Variants in KLF12 observed in about 807,000 individuals in gnomAD.
KLF12 encodes Krueppel-like factor 12.
Under a neutral mutation model 37.8 loss-of-function variants are expected in KLF12, and 9 were observed. The ratio of observed to expected loss-of-function variants is 0.24; its 90% CI spans 0.14 to 0.42. The LOEUF is 0.42. KLF12 is among the 10% of genes least tolerant of loss of function. The pLI, the probability that KLF12 is intolerant of heterozygous loss-of-function variation, is 1.00. For synonymous variants in KLF12, 208 were observed against 202.1 expected (o/e 1.03, Z -0.25); for missense variants, 411 against 516.0 (o/e 0.80, Z 1.97).
At chr13:73,948,481 A>G (rs1252031311) in intron 2 of KLF12, among the ~76,000 whole-genome samples, 2 of 152,152 alleles carry the variant, frequency 1.3e-5, no homozygotes, top group African/African-American at 4.8e-5. Flanking sequence ...GGCCTCCCAA[A>G]GTGCTGGGAA....
At chr13:74,037,985 C>A (rs1313308732) in intron 1 of KLF12, among the ~76,000 whole-genome samples, 1 of 152,146 alleles carries the variant, frequency 6.6e-6, no homozygotes, top group African/African-American at 2.4e-5. Context: ...GGGCATGGAA[C>A]CCCACATACA....
upstream of KLF12, among the ~76,000 whole-genome samples, chr13:74,137,014 AGAG>A (rs754928247): frequency 3.9e-4 from 60 of 152,256 alleles, no homozygotes; most frequent in Middle Eastern, 0.01. Context: ...GGAGATCACT[AGAG>A]GAGTGTGTGT....
chr13:74,043,871 A>G (rs145631765), intron 1 of KLF12, among the ~76,000 whole-genome samples: 398 of 152,318 alleles, frequency 2.6e-3, no homozygotes, highest in Non-Finnish European at 4.6e-3. Context: ...AAACACTCCT[A>G]CAGCATTCTA....
At chr13:74,239,831 G>A in the KLF12 span, among the ~76,000 whole-genome samples, 1 of 151,608 alleles carries the variant, frequency 6.6e-6, no homozygotes, top group Admixed American at 6.6e-5. Context: ...TTGAGCCTAT[G>A]TGTGTCTCTG....
At position 73,705,178 on chromosome 13, in the gene KLF12, T is replaced by C. The variant is rs76353006; in HGVS notation, c.1028-9507A>G. On this transcript the variant is annotated intron_variant, in intron 7 of 7. Coordinates refer to ENST00000377669, the MANE Select transcript of KLF12 (RefSeq NM_007249.5). The stretch of plus-strand genomic sequence containing the variant: ...TTGTATTCTGTTGCTCAAATGAGCA[T>C]TATTTTAACATTTAAAATATATCTC... Among the ~76,000 whole-genome samples the C allele has an allele frequency of 8.7e-3, 1,323 of 152,370 alleles. 22 individuals are homozygous for C. Among genetic ancestry groups the C allele is most frequent in the African/African-American group, 0.031 (1,271 of 41,592 alleles).
intron 3 of KLF12, among the ~76,000 whole-genome samples, chr13:73,915,535 T>A (rs1482913891): frequency 4.0e-5 from 6 of 151,552 alleles, no homozygotes; most frequent in Non-Finnish European, 7.4e-5. Context: ...TTTTTTGAGA[T>A]GGAGTCTCGC....
chr13:74,225,392 C>G, the KLF12 span, among the ~76,000 whole-genome samples: 4 of 152,140 alleles, frequency 2.6e-5, no homozygotes, highest in South Asian at 6.2e-4. Flanking sequence ...TTAATGAGGA[C>G]AGTTATGTTT....
intron 1 of KLF12, among the ~76,000 whole-genome samples, chr13:74,038,945 A>G (rs1893327932): frequency 6.6e-6 from 1 of 152,020 alleles, no homozygotes; most frequent in African/African-American, 2.4e-5. Flanking sequence ...GAATTTGAAT[A>G]TCTATAACTA....
chr13:74,245,862 ATAC>A, the KLF12 span, among the ~76,000 whole-genome samples: 1 of 152,224 alleles, frequency 6.6e-6, no homozygotes, highest in South Asian at 2.1e-4. Context: ...TGGAAGACTA[ATAC>A]TAGAATTTTA....
chr13:74,036,724 C>T (rs1893255319), intron 1 of KLF12, among the ~76,000 whole-genome samples: 1 of 152,118 alleles, frequency 6.6e-6, no homozygotes, highest in Non-Finnish European at 1.5e-5. Flanking sequence ...TGATGAAATT[C>T]CCAAGGAAGT....
intron 1 of KLF12, among the ~76,000 whole-genome samples, chr13:74,053,567 T>G (rs756637841): frequency 6.6e-6 from 1 of 152,118 alleles, no homozygotes; most frequent in South Asian, 2.1e-4. Context: ...AAGCAAGCAC[T>G]GGAACAGGAT....
the KLF12 span, among the ~76,000 whole-genome samples, chr13:74,199,928 A>G: frequency 6.6e-6 from 1 of 152,180 alleles, no homozygotes; most frequent in South Asian, 2.1e-4. Context: ...GATGACATCT[A>G]GTAAGTAATG....
chr13:73,784,469 T>C (rs1474378741), intron 5 of KLF12, among the ~76,000 whole-genome samples: 3 of 149,002 alleles, frequency 2.0e-5, no homozygotes, highest in African/African-American at 7.4e-5. Flanking sequence ...ATAACTCTAA[T>C]ACTGATTTTA....
At chr13:73,963,871 C>T (rs1891098251) in intron 2 of KLF12, among the ~76,000 whole-genome samples, 1 of 152,174 alleles carries the variant, frequency 6.6e-6, no homozygotes, top group Admixed American at 6.5e-5. Flanking sequence ...ATGCTAAAGT[C>T]TGATTGATTG....
intron 3 of KLF12, among the ~76,000 whole-genome samples, chr13:73,859,971 G>C (rs922815259): frequency 6.6e-6 from 1 of 151,956 alleles, no homozygotes; most frequent in African/African-American, 2.4e-5. Flanking sequence ...TTTTATTTTT[G>C]ACCAATGATG....
intron 1 of KLF12, among the ~76,000 whole-genome samples, chr13:74,001,594 C>G (rs973773850): frequency 6.6e-6 from 1 of 152,160 alleles, no homozygotes; most frequent in Non-Finnish European, 1.5e-5. Flanking sequence ...TTAATTGTTG[C>G]CTGTATGCTT....
chr13:74,211,936 C>T, the KLF12 span, among the ~76,000 whole-genome samples: 1 of 152,038 alleles, frequency 6.6e-6, no homozygotes, highest in African/African-American at 2.4e-5. Context: ...TAAGTCAAGG[C>T]CTTTTCTTTG....
At chr13:74,150,613 T>C in the KLF12 span, among the ~76,000 whole-genome samples, 3 of 152,356 alleles carry the variant, frequency 2.0e-5, no homozygotes, top group East Asian at 1.9e-4. Flanking sequence ...TTTTTATTGA[T>C]AACTTTTACC....
chr13:74,244,383 C>T, the KLF12 span, among the ~76,000 whole-genome samples: 2 of 152,138 alleles, frequency 1.3e-5, no homozygotes, highest in Non-Finnish European at 2.9e-5. Context: ...GAGCTGGCTC[C>T]AATAATTCTT....
Sources: gnomAD v4.1 joint callset for allele counts (sites outside exome capture counted in the v4.1 genomes callset) on GRCh38, gnomAD v4.1.1 for gene constraint, MANE v1.5 for transcripts, NCBI Gene and HGNC (gene_info 2026-07-23, HGNC 2026-07-21) for gene names.